Variants in ADRA1D observed in about 807,000 individuals in gnomAD.
ADRA1D encodes the protein alpha-1D adrenergic receptor.
Under a neutral mutation model 18.6 loss-of-function variants are expected in ADRA1D, and 22 were observed. That is an observed-to-expected ratio of 1.19 (90% CI 0.85 to 1.69). The LOEUF is 1.69. ADRA1D is among the 40% of genes most tolerant of loss of function. The pLI, the probability that ADRA1D is intolerant of heterozygous loss-of-function variation, is 0.00. For synonymous variants in ADRA1D, 376 were observed against 388.2 expected, an observed-to-expected ratio of 0.97 and a Z score of 0.37; for missense variants, 840 against 840.7, an observed-to-expected ratio of 1.00 and a Z score of 0.01.
At position 4,221,456 on chromosome 20, in the gene ADRA1D, C is replaced by A; in HGVS notation, c.*67G>T. 1 of 1,509,694 alleles carries A rather than the reference C, an allele frequency of 6.6e-7. No homozygotes were observed. Among genetic ancestry groups the A allele is most frequent in the Non-Finnish European group, 8.9e-7 (1 of 1,119,204 alleles). The allele number at this position is 1,509,694 out of a possible 1,614,324, so 93.5% of individuals were successfully genotyped here. ...GATTTGCACGGGGGCTCTTAGAACA[C>A]CAGCCCGCCTCTCTGGTCCCCCTTA... On this transcript the variant is annotated 3_prime_UTR_variant, in exon 2 of 2. Coordinates refer to ENST00000379453, the MANE Select transcript of ADRA1D (RefSeq NM_000678.4).
At chr20:4,229,970 C>T (rs934384429) in intron 1 of ADRA1D, among the ~76,000 whole-genome samples, 5 of 152,134 alleles carry the variant, frequency 3.3e-5, no homozygotes, top group African/African-American at 9.7e-5. Context: ...CCTTCCCTCG[C>T]CTACTCTGTT....
chr20:4,232,359 T>C (rs1418650526), intron 1 of ADRA1D, among the ~76,000 whole-genome samples: 1 of 152,142 alleles, frequency 6.6e-6, no homozygotes, highest in Non-Finnish European at 1.5e-5. Context: ...CCACTGGGGT[T>C]TGAGGGGTGA....
Position 4,221,972 on chromosome 20 carries a change from G to C in ADRA1D, c.1270C>G (p.Arg424Gly). The C allele has an allele frequency of 6.4e-7, 1 of 1,561,048 alleles. No homozygotes were observed. The highest frequency in any genetic ancestry group is 8.7e-7 in the Non-Finnish European group (1 of 1,153,484). Residue 424 changes from arginine to glycine, a missense_variant, in exon 2 of 2, where the codon CGC (arginine) becomes GGC (glycine). Coordinates refer to ENST00000379453, the MANE Select transcript of ADRA1D (RefSeq NM_000678.4). ...CGCCAGAGAGGGCGGCGGCGCCGGC[G>C]ACGACGGCACTGGCAGCGCAGGAGA... ...LRLLRCQCRR[R>G]RRRRPLWRVY...
chr20:4,228,248 G>A (rs835880), intron 1 of ADRA1D, among the ~76,000 whole-genome samples: 112,315 of 152,032 alleles, frequency 0.74, 41,768 homozygotes, highest in East Asian at 0.99. Context: ...GAGCAATTTA[G>A]TCGCTCCTTG....
intron 1 of ADRA1D, among the ~76,000 whole-genome samples, chr20:4,245,990 T>C (rs994268506): frequency 1.3e-5 from 2 of 152,240 alleles, no homozygotes; most frequent in Non-Finnish European, 2.9e-5. Flanking sequence ...AGTTCCACGA[T>C]GGCCCTATAG....
rs1437404692 is a variant in ADRA1D at position 4,247,852 on chromosome 20, G to T, written c.1106C>A (p.Pro369Gln). The T allele has an allele frequency of 1.9e-6, 3 of 1,546,452 alleles. No individual in the cohort carries two copies. The highest frequency in any genetic ancestry group is 2.6e-6 in the Non-Finnish European group (3 of 1,146,672). The change falls in exon 1 of 2, where the codon CCG (proline) becomes CAG (glutamine). Residue 369 changes from proline (P) to glutamine (Q), a missense_variant. Transcript: ENST00000379453. ...LCWFPFFFVL[P>Q]LGSLFPQLKP... The stretch of plus-strand genomic sequence containing the variant: ...GTGGGAGAGGGGTCACTCACCGAGC[G>T]GCAGGACAAAGAAGAAAGGGAACCA...
intron 1 of ADRA1D, among the ~76,000 whole-genome samples, chr20:4,231,379 A>G (rs1366759530): frequency 6.6e-6 from 1 of 151,830 alleles, no homozygotes; most frequent in African/African-American, 2.4e-5. Context: ...TCAGCCTCCC[A>G]AAGTGCTGGG....
In ADRA1D at chr20:4,247,833, G is replaced by T. The variant is rs745663595; in HGVS notation, c.1111+14C>A. 1 of 1,515,324 alleles carries T rather than the reference G, an allele frequency of 6.6e-7. No individual in the cohort carries two copies. The highest frequency in any genetic ancestry group is 8.8e-7 in the Non-Finnish European group (1 of 1,132,472). The allele number at this position is 1,515,324 out of a possible 1,614,324, so 93.9% of individuals were successfully genotyped here. ...GGGAGAACAGGAGGGGCCGGTGGGA[G>T]AGGGGTCACTCACCGAGCGGCAGGA... On this transcript the variant is annotated intron_variant, in intron 1 of 1. Transcript: ENST00000379453.
chr20:4,221,918 T>G lies in ADRA1D; in HGVS notation c.1324A>C (p.Thr442Pro), dbSNP rs774117620. Residue 442 changes from threonine to proline, a missense_variant, in exon 2 of 2, where the codon ACC becomes CCC. Thr to Pro is a conservative substitution (Grantham distance 38). Transcript: ENST00000379453. ...GCGCAGTCCTGGCGCAGGCCGCTGG[T>G]GGAGGCCCGCCAGTGGTGGCCGTAG... is the stretch of plus-strand genomic sequence containing the variant. ...RVYGHHWRAS[T>P]SGLRQDCAPS... The G allele has an allele frequency of 2.6e-6, 4 of 1,528,608 alleles. No homozygotes were observed. The African/African-American group carries it at 4.2e-5, about 16-fold the overall frequency. The allele number at this position is 1,528,608 out of a possible 1,614,324, so 94.7% of individuals were successfully genotyped here.
Position 4,222,172 on chromosome 20 carries a change from G to C in ADRA1D, c.1112-42C>G, listed in dbSNP as rs773479185. ...CCGATACTATTTAGCTGCTTGGGGA[G>C]GGGGAGGCCAGGCGGCTCTGGGCGC... On this transcript the variant is annotated intron_variant, in intron 1 of 1. Transcript: ENST00000379453. The surrounding 1 kb of genome is among the most constrained non-coding windows in gnomAD (Gnocchi z 4.3). 1.3e-6 allele frequency: 2 copies of C among 1,587,224 alleles called. No homozygotes were observed. The highest frequency in any genetic ancestry group is 1.7e-5 in the Admixed American group (1 of 57,806).
chr20:4,230,531 CCT>C (rs1473568587), intron 1 of ADRA1D, among the ~76,000 whole-genome samples: 12 of 152,212 alleles, frequency 7.9e-5, no homozygotes, highest in Admixed American at 2.0e-4. Flanking sequence ...GGCAGCAGCC[CCT>C]GACAGCCCCT....
Position 4,248,996 on chromosome 20 carries a change from A to G in ADRA1D, c.-39T>C. The G allele has an allele frequency of 7.9e-7, 1 of 1,272,960 alleles. No individual in the cohort carries two copies. 78.9% of individuals were successfully genotyped at this position (1,272,960 alleles called of 1,614,324 possible). On this transcript the variant is annotated 5_prime_UTR_variant, in exon 1 of 2. Coordinates refer to ENST00000379453, the MANE Select transcript of ADRA1D (RefSeq NM_000678.4). ...CGTCGGTGGCCGGGCCGGGGCACAGAACGAGCGGCCGGCAGGGAGGGGAGC... is the reference window on the plus strand; with the variant it reads ...CGTCGGTGGCCGGGCCGGGGCACAGGACGAGCGGCCGGCAGGGAGGGGAGC...
intron 1 of ADRA1D, among the ~76,000 whole-genome samples, chr20:4,246,470 G>T (rs1029946640): frequency 6.6e-6 from 1 of 152,160 alleles, no homozygotes; most frequent in African/African-American, 2.4e-5. Flanking sequence ...AAGTGCAAAG[G>T]CCTGAGGACA....
intron 1 of ADRA1D, among the ~76,000 whole-genome samples, chr20:4,226,869 G>C (rs1980812709): frequency 6.6e-6 from 1 of 152,208 alleles, no homozygotes; most frequent in Non-Finnish European, 1.5e-5. Flanking sequence ...GACTTCTCCT[G>C]TTCCGCTCAC....
intron 1 of ADRA1D, among the ~76,000 whole-genome samples, chr20:4,246,929 G>A (rs937508046): frequency 2.0e-5 from 3 of 152,188 alleles, no homozygotes; most frequent in African/African-American, 7.2e-5. Context: ...TCCAGGCCTG[G>A]GAGAGGCAGA....
At chr20:4,246,205 C>T (rs1398235739) in intron 1 of ADRA1D, among the ~76,000 whole-genome samples, 1 of 152,140 alleles carries the variant, frequency 6.6e-6, no homozygotes, top group East Asian at 1.9e-4. Context: ...TCAGTGATGA[C>T]CCAGGTGACA....
In ADRA1D at chr20:4,221,809, G is replaced by T. The variant is rs750442534; in HGVS notation, c.1433C>A (p.Pro478His). The part of the protein sequence containing the change: ...PDPDPEPPGT[P>H]EMQAPVASRR... ...GCTGGCGACCGGAGCCTGCATCTCG[G>T]GCGTGCCTGGGGGTTCGGGGTCGGG... The change falls in exon 2 of 2, where the codon CCC becomes CAC. Residue 478 changes from proline to histidine, a missense_variant. Transcript: ENST00000379453. 4 of 1,550,208 alleles carry T rather than the reference G, an allele frequency of 2.6e-6. No individual in the cohort carries two copies. The African/African-American group carries it at 5.5e-5, about 21-fold the overall frequency.
Position 4,222,103 on chromosome 20 carries a change from G to C in ADRA1D, c.1139C>G (p.Ser380Trp), listed in dbSNP as rs945340051. ...LGSLFPQLKP[S>W]EGVFKVIFWL... ...GAAGATGACCTTGAAGACGCCCTCC[G>C]ATGGCTTCAGCTGCGGGAACAAGGA... The change falls in exon 2 of 2, where the codon TCG (serine) becomes TGG (tryptophan). Residue 380 changes from serine to tryptophan, a missense_variant. By Grantham distance (177) the Ser-to-Trp change is radical. Coordinates refer to ENST00000379453, the MANE Select transcript of ADRA1D (RefSeq NM_000678.4). The surrounding 1 kb of genome is among the most constrained non-coding windows in gnomAD (Gnocchi z 4.3). 2.3e-5 allele frequency: 37 copies of C among 1,612,556 alleles called. No homozygotes were observed. The highest frequency in any genetic ancestry group is 3.1e-5 in the Non-Finnish European group (36 of 1,179,444).
chr20:4,248,664 G>A lies in ADRA1D; in HGVS notation c.294C>T (p.Gly98=), dbSNP rs761994764. The change falls in exon 1 of 2, where the codon GGC becomes GGT. Residue 98 remains glycine (G), a synonymous_variant. Coordinates refer to ENST00000379453, the MANE Select transcript of ADRA1D (RefSeq NM_000678.4). The part of the protein sequence containing the change: ...GGLVVSAQGV[G]VGVFLAAFIL... Reference sequence around the variant, plus strand: ...TGAAGGCTGCCAGGAAGACGCCCACGCCCACGCCCTGCGCGCTCACCACCA... The same window carrying A: ...TGAAGGCTGCCAGGAAGACGCCCACACCCACGCCCTGCGCGCTCACCACCA... 1.9e-6 allele frequency: 3 copies of A among 1,605,612 alleles called. No individual in the cohort carries two copies. The highest frequency in any genetic ancestry group is 2.5e-6 in the Non-Finnish European group (3 of 1,176,828).
Sources: allele counts gnomAD v4.1 joint callset (sites outside exome capture counted in the v4.1 genomes callset), GRCh38; gene constraint gnomAD v4.1.1; non-coding constraint Gnocchi (gnomAD v3.1); transcripts MANE v1.5; gene names NCBI Gene and HGNC (gene_info 2026-07-23, HGNC 2026-07-21).